The following MRPL20 variants were observed in gnomAD, a reference collection of about 807,000 sequenced individuals.
MRPL20 encodes the protein large ribosomal subunit protein bL20m.
MRPL20 carries 21 observed loss-of-function variants against 20.0 expected under a neutral mutation model. The observed-to-expected ratio is 1.05, with a 90% CI of 0.74 to 1.51. The LOEUF is 1.51. Ranked by LOEUF, MRPL20 falls within the 40% of genes most tolerant of loss-of-function variation. The pLI is 0.00. For missense variants in MRPL20, 252 were observed against 185.6 expected, an observed-to-expected ratio of 1.36 and a Z score of -2.08; for synonymous variants, 104 against 73.0, an observed-to-expected ratio of 1.43 and a Z score of -2.17.
intron 2 of MRPL20, chr1:1,406,692 G>GC (rs1645387588): frequency 3.4e-6 from 2 of 582,042 alleles, no homozygotes; most frequent in African/African-American, 3.8e-5. Flanking sequence ...CGGGCGAGGG[G>GC]CTGGAGCAGG....
intron 2 of MRPL20, 157 bp from the exon 3 acceptor site, chr1:1,406,043 CCT>C (rs1226246462): frequency 6.2e-6 from 7 of 1,132,554 alleles, no homozygotes; most frequent in East Asian, 2.6e-5. Context: ...AAATCAAGAC[CCT>C]GTTTCAAAAT....
intron 3 of MRPL20, chr1:1,405,362 C>G: frequency 2.1e-6 from 1 of 480,994 alleles, no homozygotes; most frequent in Non-Finnish European, 3.8e-6. Flanking sequence ...CAGCTTCAAA[C>G]TCCTGGGGGC....
At position 1,402,321 on chromosome 1, in the gene MRPL20, G is replaced by A. The variant is rs192585854; in HGVS notation, c.277-65C>T. Reference sequence around the variant, plus strand: ...ACACACACTCCGGCTCCGCGTGGTTGCGGCGCTGGCTCAGGAAGAACCCAG... The same window carrying A: ...ACACACACTCCGGCTCCGCGTGGTTACGGCGCTGGCTCAGGAAGAACCCAG... On this transcript the variant is annotated intron_variant, in intron 3 of 3. Transcript: ENST00000344843. The A allele has an allele frequency of 1.0e-3, 1,575 of 1,523,908 alleles. 15 individuals are homozygous for A. The highest frequency in any genetic ancestry group is 9.9e-3 in the South Asian group (772 of 78,132). 94.4% of individuals were successfully genotyped at this position (1,523,908 alleles called of 1,614,324 possible). A position where few individuals can be genotyped will look rare whatever the true frequency, so the allele number is the denominator to read the frequency against.
At position 1,407,255 on chromosome 1, in the gene MRPL20, C is replaced by G; in HGVS notation, c.-38G>C. On this transcript the variant is annotated 5_prime_UTR_variant, in exon 1 of 4. Transcript: ENST00000344843. ...CCGGCGTCCCGAACACTCAACAACG[C>G]ACGCGCAGCGCCGCTGCCATCTTGC... The G allele has an allele frequency of 6.6e-7, 1 of 1,524,904 alleles. No homozygotes were observed. Among genetic ancestry groups the G allele is most frequent in the East Asian group, 2.4e-5 (1 of 41,480 alleles). 94.5% of individuals were successfully genotyped at this position (1,524,904 alleles called of 1,614,324 possible). A position where few individuals can be genotyped will look rare whatever the true frequency, so the allele number is the denominator to read the frequency against.
Position 1,404,454 on chromosome 1 carries a change from T to C in MRPL20, c.276+1355A>G, listed in dbSNP as rs530060402. On this transcript the variant is annotated intron_variant, in intron 3 of 3. Coordinates refer to ENST00000344843, the MANE Select transcript of MRPL20 (RefSeq NM_017971.4). ...CAGGTGTGAGCCACCGCGCCTGGCC[T>C]GTTTAAACTTTCAAATTAAACTTTG... Among the ~76,000 whole-genome samples, 46 of 151,934 alleles carry C rather than the reference T, an allele frequency of 3.0e-4. No individual in the cohort carries two copies. The South Asian group carries it at 8.7e-3, about 29-fold the overall frequency.
chr1:1,405,587 G>C, intron 3 of MRPL20: 1 of 774,106 alleles, frequency 1.3e-6, no homozygotes, highest in South Asian at 1.5e-5. Context: ...CCCTCCTTAG[G>C]CAACGTGGTG....
chr1:1,403,176 T>G (rs1240710), intron 3 of MRPL20, among the ~76,000 whole-genome samples: 44 of 151,836 alleles, frequency 2.9e-4, no homozygotes, highest in Middle Eastern at 3.4e-3. Flanking sequence ...GAGGACAAAG[T>G]GGCCTACTAC....
In MRPL20 at chr1:1,401,911, AAG is replaced by A. The variant is rs937683464; in HGVS notation, c.*170_*171del. 43 of 765,556 alleles carry A rather than the reference AAG, an allele frequency of 5.6e-5. No homozygotes were observed. The highest frequency in any genetic ancestry group is 3.8e-4 in the African/African-American group (22 of 57,214). 47.4% of individuals were successfully genotyped at this position (765,556 alleles called of 1,614,324 possible). On this transcript the variant is annotated 3_prime_UTR_variant, in exon 4 of 4. Transcript: ENST00000344843. Reference sequence around the variant, plus strand: ...TACCAGAAAATGACTCTAAAAACTGAAGAGTGTTTGAGTTTCATTCACACAAA... The same window carrying A: ...TACCAGAAAATGACTCTAAAAACTGAAGTGTTTGAGTTTCATTCACACAAA...
Position 1,406,941 on chromosome 1 carries a change from C to A in MRPL20, c.166G>T (p.Ala56Ser). The stretch of plus-strand genomic sequence containing the variant: ...ATGTTCTTTTTCTTCAGGTATCGGG[C>A]TTTGGTGCATTTCACAAAGGCTCGA... ...VIRAFVKCTK[A>S]RYLKKKNMRT... The change falls in exon 2 of 4, where the codon GCC becomes TCC. Residue 56 changes from alanine (A) to serine (S), a missense_variant. Transcript: ENST00000344843. 1 of 1,613,782 alleles carries A rather than the reference C, an allele frequency of 6.2e-7. No individual in the cohort carries two copies. Among genetic ancestry groups the A allele is most frequent in the Non-Finnish European group, 8.5e-7 (1 of 1,179,752 alleles).
At position 1,402,225 on chromosome 1, in the gene MRPL20, G is replaced by T. The variant is rs1396611949; in HGVS notation, c.308C>A (p.Ala103Glu). The T allele has an allele frequency of 1.2e-6, 2 of 1,613,110 alleles. No homozygotes were observed. The highest frequency in any genetic ancestry group is 1.7e-6 in the Non-Finnish European group (2 of 1,179,698). The change falls in exon 4 of 4, where the codon GCG becomes GAG. Residue 103 changes from alanine (A) to glutamate (E), a missense_variant. Ala to Glu is a moderately radical substitution (Grantham distance 107). Transcript: ENST00000344843. ...CQVELNRKVL[A>E]DLAIYEPKTF... ...CTTTGGCTCGTAGATGGCCAGATCC[G>T]CTAGGACTTTCCTGTTGAGCTCCAC...
rs1238236087 is a variant in MRPL20, at chr1:1,407,199, G to C, written c.19C>G (p.Gln7Glu). 7 of 1,604,764 alleles carry C rather than the reference G, an allele frequency of 4.4e-6. No homozygotes were observed. The highest frequency in any genetic ancestry group is 5.1e-6 in the Non-Finnish European group (6 of 1,176,170). The stretch of plus-strand genomic sequence containing the variant: ...GTGACGCGATTCCGCAGCCAGAGCT[G>C]CGCGGTGAGGAAGACCATGGCGCCT... MVFLTA[Q>E]LWLRNRVTDR... The change falls in exon 1 of 4, where the codon CAG becomes GAG. Residue 7 changes from glutamine to glutamate, a missense_variant. Gln to Glu is a conservative substitution (Grantham distance 29). Coordinates refer to ENST00000344843, the MANE Select transcript of MRPL20 (RefSeq NM_017971.4).
rs553440141 is a variant in MRPL20 at position 1,407,025 on chromosome 1, A to G, written c.88-6T>C. 5.6e-6 allele frequency: 9 copies of G among 1,612,972 alleles called. No homozygotes were observed. The South Asian group carries it at 9.9e-5, about 18-fold the overall frequency. ...TTTTTCCTTCCCCGGAAGTGCTGGGACAGAAAACGAGAAACCAGGGTTGTC... is the reference window on the plus strand; with the variant it reads ...TTTTTCCTTCCCCGGAAGTGCTGGGGCAGAAAACGAGAAACCAGGGTTGTC... On this transcript the variant is annotated splice_polypyrimidine_tract_variant and splice_region_variant and intron_variant, in intron 1 of 3. Transcript: ENST00000344843.
chr1:1,403,262 G>A (rs950039471), intron 3 of MRPL20, among the ~76,000 whole-genome samples: 6 of 150,582 alleles, frequency 4.0e-5, no homozygotes, highest in African/African-American at 1.5e-4. Context: ...TCTTTTTTTT[G>A]AAACAGAGTC....
chr1:1,402,832 G>C (rs1043143163), intron 3 of MRPL20, among the ~76,000 whole-genome samples: 2 of 151,530 alleles, frequency 1.3e-5, no homozygotes, highest in African/African-American at 4.9e-5. Context: ...AAAAATACAA[G>C]AAAAAAAACC....
At chr1:1,405,995 C>T (rs930168499) in intron 2 of MRPL20, 109 bp from the exon 3 acceptor site, 3 of 1,437,542 alleles carry the variant, frequency 2.1e-6, no homozygotes, top group Non-Finnish European at 2.8e-6. Context: ...ATAGCAAAAT[C>T]AGTGAGCTAT....
chr1:1,407,209 G>A lies in MRPL20; in HGVS notation c.9C>T (p.Phe3=), dbSNP rs1450570581. MV[F]LTAQLWLRNR... ...TCCGCAGCCAGAGCTGCGCGGTGAG[G>A]AAGACCATGGCGCCTGCAGGCCGGC... Residue 3 remains phenylalanine, a synonymous_variant, in exon 1 of 4, where the codon TTC becomes TTT. Transcript: ENST00000344843. 2 of 1,602,158 alleles carry A rather than the reference G, an allele frequency of 1.2e-6. No individual in the cohort carries two copies. Among genetic ancestry groups the A allele is most frequent in the East Asian group, 2.3e-5 (1 of 44,330 alleles).
At chr1:1,404,179 A>G (rs1282845337) in intron 3 of MRPL20, among the ~76,000 whole-genome samples, 1 of 149,150 alleles carries the variant, frequency 6.7e-6, no homozygotes. Context: ...TTTGAGATGG[A>G]GTCTCGCTCT....
rs1385368319 is a variant in MRPL20, at chr1:1,402,027, A to G, written c.*56T>C. ...GGGTTGTAGATAAACAAAAGTATAAATCAAACAAACTGCAAATTACTCTGT... is the reference window on the plus strand; with the variant it reads ...GGGTTGTAGATAAACAAAAGTATAAGTCAAACAAACTGCAAATTACTCTGT... On this transcript the variant is annotated 3_prime_UTR_variant, in exon 4 of 4. Transcript: ENST00000344843. 1 of 1,559,370 alleles carries G rather than the reference A, an allele frequency of 6.4e-7. No homozygotes were observed. Among genetic ancestry groups the G allele is most frequent in the Admixed American group, 1.9e-5 (1 of 53,146 alleles).
At position 1,407,186 on chromosome 1, in the gene MRPL20, C is replaced by T. The variant is rs1645393479; in HGVS notation, c.32G>A (p.Arg11Gln). The T allele has an allele frequency of 1.9e-6, 3 of 1,606,646 alleles. No individual in the cohort carries two copies. The highest frequency in any genetic ancestry group is 1.7e-5 in the Admixed American group (1 of 58,992). The change falls in exon 1 of 4, where the codon CGG becomes CAG. Residue 11 changes from arginine (R) to glutamine (Q), a missense_variant. Physicochemically the swap from Arg to Gln is conservative, Grantham distance 43 (BLOSUM62 1). Coordinates refer to ENST00000344843, the MANE Select transcript of MRPL20 (RefSeq NM_017971.4). MVFLTAQLWL[R>Q]NRVTDRYFRI... ...AAAGTAGCGGTCGGTGACGCGATTC[C>T]GCAGCCAGAGCTGCGCGGTGAGGAA...
Sources: gnomAD v4.1 joint callset for allele counts (sites outside exome capture counted in the v4.1 genomes callset) on GRCh38, gnomAD v4.1.1 for gene constraint, MANE v1.5 for transcripts, NCBI Gene and HGNC (gene_info 2026-07-23, HGNC 2026-07-21) for gene names.